Variants in GPR141 observed in about 807,000 individuals in gnomAD.
GPR141 encodes the protein probable G protein-coupled receptor 141.
A neutral mutation model predicts 6.8 loss-of-function variants in GPR141; 6 were observed. That is an observed-to-expected ratio of 0.88 (90% CI 0.48 to 1.74). The LOEUF is 1.74. Among genes scored for constraint, GPR141 ranks in the 40% most tolerant of loss-of-function variants. The pLI is 0.01. For missense variants in GPR141, 372 were observed against 372.9 expected (o/e 1.00, Z 0.02); for synonymous variants, 140 against 142.3 (o/e 0.98, Z 0.11).
intron 2 of GPR141, among the ~76,000 whole-genome samples, chr7:37,724,683 A>G (rs1042163078): frequency 2.0e-5 from 3 of 152,192 alleles, no homozygotes; most frequent in African/African-American, 7.2e-5. Context: ...TGCAAACACA[A>G]CAAACTATAA....
At chr7:37,737,467 C>A (rs1170615380) in intron 2 of GPR141, among the ~76,000 whole-genome samples, 2 of 152,182 alleles carry the variant, frequency 1.3e-5, no homozygotes, top group Non-Finnish European at 2.9e-5. Flanking sequence ...GTCAAATGGT[C>A]TAATCCAAGG....
chr7:37,709,953 C>G (rs116051931), intron 2 of GPR141, among the ~76,000 whole-genome samples: 1 of 151,938 alleles, frequency 6.6e-6, no homozygotes, highest in Admixed American at 6.6e-5. Context: ...AAATGCCTGC[C>G]GGGTTCCCTG....
intron 2 of GPR141, among the ~76,000 whole-genome samples, chr7:37,702,010 G>C (rs985621756): frequency 6.6e-6 from 1 of 152,086 alleles, no homozygotes; most frequent in Non-Finnish European, 1.5e-5. Context: ...CATGGTTTAA[G>C]GCTTGTTTTG....
intron 2 of GPR141, among the ~76,000 whole-genome samples, chr7:37,699,123 T>C (rs1810156990): frequency 6.6e-6 from 1 of 152,242 alleles, no homozygotes. Flanking sequence ...ATAGAAAACA[T>C]ACTTTGATCC....
intron 2 of GPR141, among the ~76,000 whole-genome samples, chr7:37,735,644 T>A (rs1478907722): frequency 2.0e-5 from 3 of 152,008 alleles, no homozygotes; most frequent in East Asian, 3.9e-4. Context: ...CTACCTTTTT[T>A]AAGAAAAATA....
chr7:37,727,627 T>C (rs571828035), intron 2 of GPR141, among the ~76,000 whole-genome samples: 2 of 152,362 alleles, frequency 1.3e-5, no homozygotes, highest in African/African-American at 4.8e-5. Flanking sequence ...TTTGTCTTTT[T>C]ACTGTTGAAT....
chr7:37,740,076 C>A (rs1158772905), intron 2 of GPR141, among the ~76,000 whole-genome samples: 1 of 152,118 alleles, frequency 6.6e-6, no homozygotes, highest in Admixed American at 6.6e-5. Context: ...GTACTAGCTC[C>A]AGATGGTCTG....
intron 2 of GPR141, among the ~76,000 whole-genome samples, chr7:37,733,018 G>A (rs1812049894): frequency 6.6e-6 from 1 of 152,350 alleles, no homozygotes; most frequent in East Asian, 1.9e-4. Context: ...AGAGCGCTGA[G>A]TCTGAGCCAG....
At chr7:37,686,162 CTTT>C (rs35733762) in intron 2 of GPR141, among the ~76,000 whole-genome samples, 1 of 123,876 alleles carries the variant, frequency 8.1e-6, no homozygotes, top group Non-Finnish European at 1.7e-5. Flanking sequence ...CCCTGCCTGC[CTTT>C]TTTTTTTTTT....
At chr7:37,734,110 C>T (rs2131851372) in intron 2 of GPR141, among the ~76,000 whole-genome samples, 1 of 151,686 alleles carries the variant, frequency 6.6e-6, no homozygotes, top group Admixed American at 6.5e-5. Context: ...GAGATCAAGG[C>T]TGCAGTGAAC....
At chr7:37,711,570 A>G (rs1387959588) in intron 2 of GPR141, among the ~76,000 whole-genome samples, 1 of 152,204 alleles carries the variant, frequency 6.6e-6, no homozygotes, top group Non-Finnish European at 1.5e-5. Flanking sequence ...TTCCTTTGAG[A>G]TAACTCCTCC....
intron 2 of GPR141, among the ~76,000 whole-genome samples, chr7:37,686,698 T>C (rs1415543442): frequency 6.6e-6 from 1 of 152,152 alleles, no homozygotes; most frequent in Non-Finnish European, 1.5e-5. Flanking sequence ...GAACTCCAGA[T>C]GGTCTAAAAG....
At chr7:37,718,519 GGAAGA>G in intron 2 of GPR141, among the ~76,000 whole-genome samples, 1 of 42,982 alleles carries the variant, frequency 2.3e-5, no homozygotes, top group African/African-American at 7.7e-5. Context: ...CTCGAAGGAA[GGAAGA>G]AAGGAAGGAA....
intron 2 of GPR141, among the ~76,000 whole-genome samples, chr7:37,708,426 C>T (rs910711479): frequency 6.6e-6 from 1 of 151,084 alleles, no homozygotes; most frequent in African/African-American, 2.4e-5. Flanking sequence ...ACATTTCTTC[C>T]TCTATGCTTT....
chr7:37,737,338 C>T (rs1485124733), intron 2 of GPR141, among the ~76,000 whole-genome samples: 5 of 126,916 alleles, frequency 3.9e-5, no homozygotes, highest in African/African-American at 1.3e-4. Flanking sequence ...ACTGTTTACT[C>T]TATTTACATT....
chr7:37,738,648 T>G (rs529007436), intron 2 of GPR141, among the ~76,000 whole-genome samples: 29 of 152,042 alleles, frequency 1.9e-4, no homozygotes, highest in African/African-American at 6.8e-4. Flanking sequence ...TGGGTTATTA[T>G]TATCTTTTTT....
At chr7:37,700,325 T>G (rs1027028461) in intron 2 of GPR141, among the ~76,000 whole-genome samples, 5 of 152,232 alleles carry the variant, frequency 3.3e-5, no homozygotes, top group African/African-American at 1.2e-4. Context: ...ACCATAGTGT[T>G]GAAGGTCATT....
chr7:37,711,455 GT>G (rs1172436709), intron 2 of GPR141, among the ~76,000 whole-genome samples: 1 of 152,222 alleles, frequency 6.6e-6, no homozygotes, highest in Admixed American at 6.5e-5. Flanking sequence ...GCAGGAGCAG[GT>G]GAATTGTGGG....
At chr7:37,692,588 G>T (rs1030930856) in intron 2 of GPR141, among the ~76,000 whole-genome samples, 4 of 152,120 alleles carry the variant, frequency 2.6e-5, no homozygotes, top group African/African-American at 7.2e-5. Context: ...CTTCCACAAT[G>T]GTTGAAATAA....
Sources: gnomAD v4.1 joint callset for allele counts (sites outside exome capture counted in the v4.1 genomes callset) on GRCh38, gnomAD v4.1.1 for gene constraint, MANE v1.5 for transcripts, NCBI Gene and HGNC (gene_info 2026-07-23, HGNC 2026-07-21) for gene names.